The following NSRP1 variants were observed in gnomAD, a reference collection of about 807,000 sequenced individuals.
The protein encoded by NSRP1 is coiled-coil domain containing 55.
In NSRP1, 24 loss-of-function variants were observed where a neutral mutation model predicts 54.7. That is an observed-to-expected ratio of 0.44 (90% CI 0.32 to 0.62). NSRP1 has a LOEUF of 0.62. NSRP1 is among the 20% of genes least tolerant of loss of function. NSRP1 has a pLI of 0.06. For missense variants in NSRP1, 596 were observed against 651.2 expected, an observed-to-expected ratio of 0.92 and a Z score of 0.92; for synonymous variants, 210 against 213.8, an observed-to-expected ratio of 0.98 and a Z score of 0.15.
In NSRP1 at chr17:30,136,517, A is replaced by G. The variant is rs1329690771; in HGVS notation, c.114+18344A>G. ...TAATTGGTTTACCATATTTTATCAAATCTAAGCTGCTTTGATATTGATGCT... is the reference window on the plus strand; with the variant it reads ...TAATTGGTTTACCATATTTTATCAAGTCTAAGCTGCTTTGATATTGATGCT... On this transcript the variant is annotated intron_variant, in intron 2 of 6. Coordinates refer to ENST00000247026, the MANE Select transcript of NSRP1 (RefSeq NM_032141.4). Among the ~76,000 whole-genome samples, 5 of 152,316 alleles carry G rather than the reference A, an allele frequency of 3.3e-5. No individual in the cohort carries two copies. The East Asian group carries it at 9.6e-4, about 29-fold the overall frequency.
chr17:30,179,050 A>AT (rs1269685541), intron 4 of NSRP1, 40 bp from the exon 5 acceptor site: 4 of 1,246,104 alleles, frequency 3.2e-6, no homozygotes, highest in Admixed American at 3.1e-5. Flanking sequence ...AACAATTACT[A>AT]TTTTTTTACT....
intron 2 of NSRP1, among the ~76,000 whole-genome samples, chr17:30,159,768 C>T (rs868532150): frequency 6.6e-6 from 1 of 152,134 alleles, no homozygotes; most frequent in African/African-American, 2.4e-5. Context: ...AAGTGACTCT[C>T]CTGCCTCAGC....
chr17:30,142,190 TA>T (rs1567794816), intron 2 of NSRP1, among the ~76,000 whole-genome samples: 1 of 152,262 alleles, frequency 6.6e-6, no homozygotes, highest in African/African-American at 2.4e-5. Flanking sequence ...ACATGATTTT[TA>T]TAAGTGTGGT....
intron 2 of NSRP1, 96 bp from the exon 3 acceptor site, chr17:30,172,446 C>A: frequency 1.2e-6 from 1 of 826,442 alleles, no homozygotes; most frequent in Non-Finnish European, 1.8e-6. Context: ...AAATACAAAA[C>A]ACTTCTGGTC....
At chr17:30,148,495 TTTCA>T (rs1288253789) in intron 2 of NSRP1, among the ~76,000 whole-genome samples, 1 of 152,200 alleles carries the variant, frequency 6.6e-6, no homozygotes, top group Admixed American at 6.5e-5. Context: ...AGACATGCCA[TTTCA>T]TTCAGGGCTA....
intron 2 of NSRP1, among the ~76,000 whole-genome samples, chr17:30,131,944 T>G (rs1198254116): frequency 6.6e-6 from 1 of 152,108 alleles, no homozygotes; most frequent in Non-Finnish European, 1.5e-5. Context: ...ATGAGTAGAT[T>G]CTATATAAAG....
chr17:30,124,331 C>CAAGTAA (rs1472640939), intron 2 of NSRP1, among the ~76,000 whole-genome samples: 19 of 152,186 alleles, frequency 1.2e-4, no homozygotes, highest in African/African-American at 4.6e-4. Context: ...TGGGTTTACA[C>CAAGTAA]AAGTAATCTA....
Position 30,139,196 on chromosome 17 carries a change from C to T in NSRP1, c.114+21023C>T, listed in dbSNP as rs527251000. On this transcript the variant is annotated intron_variant, in intron 2 of 6. Transcript: ENST00000247026. ...CCTCCCAAAGTGCTGGGATTACAGG[C>T]GTGAGCCACCGCACCCAGCTATCTT... is the stretch of plus-strand genomic sequence containing the variant. Among the ~76,000 whole-genome samples, 4 of 152,178 alleles carry T rather than the reference C, an allele frequency of 2.6e-5. No individual in the cohort carries two copies. In the South Asian group the frequency reaches 8.3e-4, roughly 32 times the overall value.
chr17:30,182,048 CTTTTTT>C (rs10549815), intron 6 of NSRP1, among the ~76,000 whole-genome samples: 1 of 98,326 alleles, frequency 1.0e-5, no homozygotes, highest in East Asian at 3.1e-4. Flanking sequence ...CACCTGGCTG[CTTTTTT>C]TTTTTTTTTT....
chr17:30,122,978 T>C (rs567663434), intron 2 of NSRP1, among the ~76,000 whole-genome samples: 131 of 151,938 alleles, frequency 8.6e-4, no homozygotes, highest in African/African-American at 3.1e-3. Flanking sequence ...TGAGATGGGG[T>C]CTCACTATAT....
intron 2 of NSRP1, among the ~76,000 whole-genome samples, chr17:30,165,335 G>A (rs1450553707): frequency 3.3e-5 from 5 of 152,144 alleles, no homozygotes; most frequent in African/African-American, 1.2e-4. Context: ...GTGTAAAAAT[G>A]GTGAAATCTG....
chr17:30,127,769 A>G (rs1337601605), intron 2 of NSRP1: 16 of 367,062 alleles, frequency 4.4e-5, no homozygotes, highest in Non-Finnish European at 7.7e-5. Context: ...AAAAGAGAGT[A>G]TTAAGTTTAG....
chr17:30,172,036 T>C (rs756319495), intron 2 of NSRP1, among the ~76,000 whole-genome samples: 22 of 128,628 alleles, frequency 1.7e-4, no homozygotes, highest in Non-Finnish European at 3.0e-4. Context: ...ATGAAGCAAA[T>C]TGAAATCTGT....
At chr17:30,138,189 T>C (rs1295505739) in intron 2 of NSRP1, among the ~76,000 whole-genome samples, 1 of 152,206 alleles carries the variant, frequency 6.6e-6, no homozygotes, top group Non-Finnish European at 1.5e-5. Flanking sequence ...TGTGTCAGAA[T>C]TTTCTTCTCC....
intron 2 of NSRP1, among the ~76,000 whole-genome samples, chr17:30,141,134 A>G (rs905063969): frequency 6.6e-6 from 1 of 152,184 alleles, no homozygotes; most frequent in Non-Finnish European, 1.5e-5. Flanking sequence ...CTTTTTGATT[A>G]TTCATTGTCC....
chr17:30,149,834 CAAAAAAA>C (rs773066888), intron 2 of NSRP1, among the ~76,000 whole-genome samples: 2 of 98,712 alleles, frequency 2.0e-5, no homozygotes, highest in Admixed American at 1.1e-4. Context: ...GACCCTGTCT[CAAAAAAA>C]AAAAAAAAAA....
At chr17:30,125,256 T>C (rs2151876448) in intron 2 of NSRP1, among the ~76,000 whole-genome samples, 1 of 152,342 alleles carries the variant, frequency 6.6e-6, no homozygotes, top group South Asian at 2.1e-4. Flanking sequence ...TCTTTCATAA[T>C]TAGTCAACAA....
chr17:30,147,040 A>G (rs1481934360), intron 2 of NSRP1, among the ~76,000 whole-genome samples: 3 of 152,140 alleles, frequency 2.0e-5, no homozygotes, highest in Non-Finnish European at 4.4e-5. Flanking sequence ...TGTCTATCCT[A>G]AGTGATATCC....
chr17:30,155,065 C>G (rs2071948787), intron 2 of NSRP1, among the ~76,000 whole-genome samples: 1 of 152,138 alleles, frequency 6.6e-6, no homozygotes. Flanking sequence ...TTTAAAGTTA[C>G]TCCATCTGGG....
Sources: gnomAD v4.1 joint callset for allele counts (sites outside exome capture counted in the v4.1 genomes callset) on GRCh38, gnomAD v4.1.1 for gene constraint, MANE v1.5 for transcripts, NCBI Gene and HGNC (gene_info 2026-07-23, HGNC 2026-07-21) for gene names.